Variants in COMMD10 observed in about 807,000 individuals in gnomAD.
The protein encoded by COMMD10 is COMM domain containing 10.
A neutral mutation model predicts 28.9 loss-of-function variants in COMMD10; 33 were observed. The observed-to-expected ratio is 1.14, with a 90% confidence interval of 0.87 to 1.53. The LOEUF is 1.53. Ranked by LOEUF, COMMD10 falls within the 40% of genes most tolerant of loss-of-function variation. COMMD10 has a pLI of 0.00. For missense variants in COMMD10, 310 were observed against 233.4 expected (o/e 1.33, Z -2.14); for synonymous variants, 110 against 81.7 (o/e 1.35, Z -1.87).
intron 5 of COMMD10, among the ~76,000 whole-genome samples, chr5:116,213,214 G>A (rs1749012160): frequency 6.6e-6 from 1 of 152,012 alleles, no homozygotes; most frequent in East Asian, 1.9e-4. Context: ...ATATATTAAT[G>A]ATTACTACTA....
At chr5:116,259,104 C>T (rs187923321) in intron 5 of COMMD10, among the ~76,000 whole-genome samples, 242 of 148,778 alleles carry the variant, frequency 1.6e-3, no homozygotes, top group African/African-American at 5.7e-3. Context: ...GCTTTCTCAC[C>T]CAGGCTGGGA....
At chr5:116,135,261 T>C (rs1391361483) in intron 5 of COMMD10, among the ~76,000 whole-genome samples, 1 of 152,186 alleles carries the variant, frequency 6.6e-6, no homozygotes, top group Non-Finnish European at 1.5e-5. Flanking sequence ...TGTTATTATT[T>C]ATAACAGGAA....
At chr5:116,277,083 G>T (rs1750936676) in intron 5 of COMMD10, among the ~76,000 whole-genome samples, 2 of 151,638 alleles carry the variant, frequency 1.3e-5, no homozygotes, top group Non-Finnish European at 2.9e-5. Flanking sequence ...AAATTCTCCA[G>T]TGTTGTTATT....
At chr5:116,253,750 A>G (rs1413426944) in intron 5 of COMMD10, among the ~76,000 whole-genome samples, 2 of 148,760 alleles carry the variant, frequency 1.3e-5, no homozygotes, top group Non-Finnish European at 1.5e-5. Context: ...ATATTGGTCT[A>G]AAATTCTCTT....
At chr5:116,117,466 G>T (rs1751278794) in intron 4 of COMMD10, among the ~76,000 whole-genome samples, 1 of 151,870 alleles carries the variant, frequency 6.6e-6, no homozygotes, top group South Asian at 2.1e-4. Context: ...ATTCTTTTTT[G>T]TTTGTTTGTT....
intron 5 of COMMD10, among the ~76,000 whole-genome samples, chr5:116,275,212 A>G (rs1465828203): frequency 6.6e-6 from 1 of 151,804 alleles, no homozygotes; most frequent in African/African-American, 2.4e-5. Flanking sequence ...CCTCCAAAAT[A>G]GCTCTTAAAT....
At chr5:116,267,805 A>G (rs890177068) in intron 5 of COMMD10, among the ~76,000 whole-genome samples, 5 of 151,820 alleles carry the variant, frequency 3.3e-5, no homozygotes, top group Non-Finnish European at 7.4e-5. Flanking sequence ...CACATCTACA[A>G]CCATCTGATC....
At chr5:116,092,241 G>T (rs191523947) in intron 3 of COMMD10, among the ~76,000 whole-genome samples, 13 of 152,218 alleles carry the variant, frequency 8.5e-5, no homozygotes, top group African/African-American at 3.1e-4. Flanking sequence ...TTTAATTAGG[G>T]TACCATTTAC....
chr5:116,212,335 T>C (rs568116411), intron 5 of COMMD10, among the ~76,000 whole-genome samples: 1 of 152,302 alleles, frequency 6.6e-6, no homozygotes, highest in African/African-American at 2.4e-5. Flanking sequence ...GGCATCCTTT[T>C]ATCTTTTGAA....
intron 5 of COMMD10, among the ~76,000 whole-genome samples, chr5:116,224,555 A>C (rs1013855381): frequency 2.6e-5 from 4 of 152,148 alleles, no homozygotes; most frequent in African/African-American, 9.7e-5. Context: ...GGAGGGAACA[A>C]GGGTCCGGGG....
intron 4 of COMMD10, among the ~76,000 whole-genome samples, chr5:116,102,268 G>A (rs1750691630): frequency 1.3e-5 from 2 of 152,020 alleles, no homozygotes. Context: ...TCATTCTTCT[G>A]CTTTTGGCAA....
intron 5 of COMMD10, among the ~76,000 whole-genome samples, chr5:116,246,076 C>T (rs57999994): frequency 0.079 from 11,964 of 152,108 alleles, 900 homozygotes; most frequent in African/African-American, 0.19. Flanking sequence ...GATCCAATTT[C>T]TAGAAAACCA....
At chr5:116,092,490 A>G (rs1308798519) in intron 3 of COMMD10, 55 bp from the exon 4 acceptor site, 2 of 1,283,978 alleles carry the variant, frequency 1.6e-6, no homozygotes, top group African/African-American at 1.5e-5. Context: ...AGTATAGTTT[A>G]AAGTTTCAGT....
intron 5 of COMMD10, among the ~76,000 whole-genome samples, chr5:116,146,322 A>G (rs1752348084): frequency 6.6e-6 from 1 of 151,808 alleles, no homozygotes; most frequent in Non-Finnish European, 1.5e-5. Context: ...TAGAGTATTA[A>G]TTTCATAATG....
Position 116,229,207 on chromosome 5 carries a change from T to C in COMMD10, c.511-62310T>C, listed in dbSNP as rs147194300. Among the ~76,000 whole-genome samples the C allele has an allele frequency of 2.6e-3, 391 of 152,138 alleles. 1 individual carries two copies. Among genetic ancestry groups the C allele is most frequent in the Non-Finnish European group, 4.4e-3 (301 of 67,930 alleles). On this transcript the variant is annotated intron_variant, in intron 5 of 6. Coordinates refer to ENST00000274458, the MANE Select transcript of COMMD10 (RefSeq NM_016144.4). ...AAAGATGAGGCATTGAACTTGTATC[T>C]AAGATTGATGATTTGTTTTGAGTCT...
rs368578715 is a variant in COMMD10 at position 116,280,783 on chromosome 5, G to A, written c.511-10734G>A. On this transcript the variant is annotated intron_variant, in intron 5 of 6. Coordinates refer to ENST00000274458, the MANE Select transcript of COMMD10 (RefSeq NM_016144.4). ...TCAACAAATAATAATAGAGATATTG[G>A]AATATGTTTACAATCATCTATAATT... Among the ~76,000 whole-genome samples, 13 of 151,830 alleles carry A rather than the reference G, an allele frequency of 8.6e-5. No individual in the cohort carries two copies. In the East Asian group the frequency reaches 2.5e-3, roughly 29 times the overall value.
chr5:116,120,636 A>T (rs775174140), intron 4 of COMMD10, among the ~76,000 whole-genome samples: 1 of 152,112 alleles, frequency 6.6e-6, no homozygotes, highest in Non-Finnish European at 1.5e-5. Flanking sequence ...TATAGATGGC[A>T]TTCTCTAGTA....
intron 4 of COMMD10, among the ~76,000 whole-genome samples, chr5:116,126,518 C>G (rs558145112): frequency 6.6e-6 from 1 of 152,130 alleles, no homozygotes; most frequent in African/African-American, 2.4e-5. Context: ...TACCGGACTT[C>G]AAACTATACT....
At position 116,130,695 on chromosome 5, in the gene COMMD10, C is replaced by A. The variant is rs2416430; in HGVS notation, c.400-3373C>A. ...ATTTAAGTGGCGACTCTAATTTGTC[C>A]TTTCTTCTAGCCACATGGCTAAGGA... On this transcript the variant is annotated intron_variant, in intron 4 of 6. Coordinates refer to ENST00000274458, the MANE Select transcript of COMMD10 (RefSeq NM_016144.4). Among the ~76,000 whole-genome samples the A allele has an allele frequency of 1.5e-3, 234 of 151,772 alleles. 2 individuals are homozygous for A. Among genetic ancestry groups the A allele is most frequent in the African/African-American group, 5.3e-3 (219 of 41,482 alleles).
Sources: gnomAD v4.1 joint callset for allele counts (sites outside exome capture counted in the v4.1 genomes callset) on GRCh38, gnomAD v4.1.1 for gene constraint, MANE v1.5 for transcripts, NCBI Gene and HGNC (gene_info 2026-07-23, HGNC 2026-07-21) for gene names.